STK32B: variants seen among roughly 807,000 people sequenced by gnomAD.
STK32B encodes the protein serine/threonine-protein kinase 32B.
STK32B carries 43 observed loss-of-function variants against 52.6 expected under a neutral mutation model. The observed-to-expected ratio is 0.82, with a 90% CI of 0.64 to 1.05. The LOEUF is 1.05. Ranked by LOEUF, STK32B falls within the 50% of genes least tolerant of loss-of-function variation. The pLI, the probability that STK32B is intolerant of heterozygous loss-of-function variation, is 0.00. For missense variants in STK32B, 621 were observed against 534.6 expected (o/e 1.16, Z -1.59); for synonymous variants, 238 against 204.3 (o/e 1.17, Z -1.41).
rs147944082 is a variant in STK32B at position 5,292,602 on chromosome 4, A to G, written c.261-38618A>G. Among the ~76,000 whole-genome samples, 987 of 151,518 alleles carry G rather than the reference A, an allele frequency of 6.5e-3. 7 individuals are homozygous for G. Among genetic ancestry groups the G allele is most frequent in the Non-Finnish European group, 0.011 (761 of 67,838 alleles). On this transcript the variant is annotated intron_variant, in intron 3 of 11. Coordinates refer to ENST00000282908, the MANE Select transcript of STK32B (RefSeq NM_018401.3). ...CCATTTTGTACATTGTCTGTTTAAT[A>G]TTTTGCTGTGGTAGTTTCTTTTGCT... is the stretch of plus-strand genomic sequence containing the variant.
intron 3 of STK32B, among the ~76,000 whole-genome samples, chr4:5,170,911 T>G (rs985677461): frequency 6.6e-5 from 10 of 152,220 alleles, no homozygotes; most frequent in Non-Finnish European, 1.5e-4. Context: ...GTTGAACTAG[T>G]TTACAGTCCC....
intron 6 of STK32B, among the ~76,000 whole-genome samples, chr4:5,438,516 G>C (rs1397756832): frequency 3.9e-5 from 6 of 152,346 alleles, no homozygotes; most frequent in Admixed American, 3.3e-4. Flanking sequence ...AGGGTTCCCA[G>C]ATTTCTGGTT....
chr4:5,150,946 T>C (rs1016468786), intron 2 of STK32B, among the ~76,000 whole-genome samples: 3 of 152,182 alleles, frequency 2.0e-5, no homozygotes, highest in African/African-American at 7.2e-5. Flanking sequence ...CAAAGAGGCA[T>C]ACCACTTTCC....
At chr4:5,141,447 C>T (rs1334650942) in intron 2 of STK32B, among the ~76,000 whole-genome samples, 4 of 152,106 alleles carry the variant, frequency 2.6e-5, no homozygotes, top group African/African-American at 4.8e-5. Context: ...GTGAAGTCGG[C>T]GAGGCCCAGG....
chr4:5,301,553 G>A (rs1039918153), intron 3 of STK32B, among the ~76,000 whole-genome samples: 1 of 151,070 alleles, frequency 6.6e-6, no homozygotes, highest in African/African-American at 2.4e-5. Context: ...TGTCTAATTT[G>A]TTGGCATAAA....
chr4:5,051,824 C>T lies in STK32B; in HGVS notation c.-40C>T, dbSNP rs922009532. 5 of 1,573,542 alleles carry T rather than the reference C, an allele frequency of 3.2e-6. No individual in the cohort carries two copies. Among genetic ancestry groups the T allele is most frequent in the Non-Finnish European group, 4.3e-6 (5 of 1,160,424 alleles). ...CGTCCCACATCCCGCATCCGGCATC[C>T]CAGCGGCCGGGCATGTAGCAGCGGC... On this transcript the variant is annotated 5_prime_UTR_variant, in exon 1 of 12. Transcript: ENST00000282908.
chr4:5,466,589 A>C (rs1717450896), intron 9 of STK32B, 114 bp from the exon 10 acceptor site: 1 of 1,367,934 alleles, frequency 7.3e-7, no homozygotes, highest in Non-Finnish European at 9.8e-7. Context: ...TGTATCCAAC[A>C]AGAGTAAGTT....
intron 4 of STK32B, among the ~76,000 whole-genome samples, chr4:5,356,538 C>T (rs1338843172): frequency 6.6e-6 from 1 of 152,070 alleles, no homozygotes; most frequent in African/African-American, 2.4e-5. Context: ...TGGGTGGACC[C>T]CTCTTTGAGC....
intron 11 of STK32B, among the ~76,000 whole-genome samples, chr4:5,485,441 G>T (rs767509148): frequency 1.3e-5 from 2 of 152,032 alleles, no homozygotes; most frequent in Non-Finnish European, 2.9e-5. Flanking sequence ...AGCTCTATCA[G>T]GTCCTTTAAG....
chr4:5,023,616 A>G, the STK32B span, among the ~76,000 whole-genome samples: 50 of 151,790 alleles, frequency 3.3e-4, no homozygotes, highest in African/African-American at 1.1e-3. Context: ...CTCTACCTCC[A>G]CTCCTCCCTG....
intron 3 of STK32B, among the ~76,000 whole-genome samples, chr4:5,243,186 G>A (rs1469062954): frequency 2.0e-5 from 3 of 152,038 alleles, no homozygotes; most frequent in Non-Finnish European, 2.9e-5. Flanking sequence ...CCATTTTCAC[G>A]ATATTGATTC....
chr4:5,217,387 G>A (rs565716588), intron 3 of STK32B, among the ~76,000 whole-genome samples: 2 of 152,232 alleles, frequency 1.3e-5, no homozygotes, highest in South Asian at 2.1e-4. Context: ...GGTGAAGGAG[G>A]CGGTGGGGGA....
Position 5,475,397 on chromosome 4 carries a change from C to T in STK32B, c.1106+7327C>T, listed in dbSNP as rs1218122355. Among the ~76,000 whole-genome samples, 3 of 142,722 alleles carry T rather than the reference C, an allele frequency of 2.1e-5. No individual in the cohort carries two copies. The East Asian group carries it at 6.1e-4, about 29-fold the overall frequency. The allele number at this position is 142,722 out of a possible 152,430, so 93.6% of individuals were successfully genotyped here. On this transcript the variant is annotated intron_variant, in intron 11 of 11. Coordinates refer to ENST00000282908, the MANE Select transcript of STK32B (RefSeq NM_018401.3). ...CCGAGATCACACCACTGCACTCCAG[C>T]CTGGGTGACAGTGCAAGACTCCATC... is the stretch of plus-strand genomic sequence containing the variant.
chr4:5,100,521 T>C (rs1713677459), intron 1 of STK32B, among the ~76,000 whole-genome samples: 1 of 115,480 alleles, frequency 8.7e-6, no homozygotes, highest in Non-Finnish European at 1.9e-5. Context: ...CTCTCCTTCT[T>C]CTCTCTTTCC....
chr4:5,229,689 T>G (rs1413937565), intron 3 of STK32B, among the ~76,000 whole-genome samples: 2 of 152,180 alleles, frequency 1.3e-5, no homozygotes, highest in African/African-American at 4.8e-5. Context: ...ATGTATTAAA[T>G]TATAGAATAA....
At chr4:5,401,734 A>C (rs540047492) in intron 5 of STK32B, among the ~76,000 whole-genome samples, 3 of 152,342 alleles carry the variant, frequency 2.0e-5, no homozygotes, top group South Asian at 2.1e-4. Flanking sequence ...ATTTAAAGAC[A>C]TAGAGGGAGG....
At chr4:5,074,393 T>G (rs1370189767) in intron 1 of STK32B, among the ~76,000 whole-genome samples, 3 of 152,082 alleles carry the variant, frequency 2.0e-5, no homozygotes, top group South Asian at 2.1e-4. Flanking sequence ...ATTTTCTATA[T>G]TTCTGCTGAA....
rs1171935452 is a variant in STK32B, at chr4:5,453,560, G to T, written c.667-3247G>T. On this transcript the variant is annotated intron_variant, in intron 7 of 11. Coordinates refer to ENST00000282908, the MANE Select transcript of STK32B (RefSeq NM_018401.3). This position sits in a 1 kb window ranked among gnomAD's most constrained non-coding sequence, Gnocchi z 4.0. Reference sequence around the variant, plus strand: ...TCAGGGTAGGGGTGGGACTGTTTTGGGCAGAACTGTTTATTGAAAAGCAAA... The same window carrying T: ...TCAGGGTAGGGGTGGGACTGTTTTGTGCAGAACTGTTTATTGAAAAGCAAA... Among the ~76,000 whole-genome samples the T allele has an allele frequency of 3.3e-5, 5 of 151,936 alleles. 1 individual carries two copies. Among genetic ancestry groups the T allele is most frequent in the African/African-American group, 1.2e-4 (5 of 41,336 alleles).
At chr4:5,440,649 A>G (rs78121959) in intron 6 of STK32B, among the ~76,000 whole-genome samples, 14,256 of 152,130 alleles carry the variant, frequency 0.094, 1,020 homozygotes, top group East Asian at 0.4. Context: ...ATGTTGAATA[A>G]GAGTGGTGAG....
Sources: gnomAD v4.1 joint callset for allele counts (sites outside exome capture counted in the v4.1 genomes callset) on GRCh38, gnomAD v4.1.1 for gene constraint, Gnocchi (gnomAD v3.1) non-coding constraint, MANE v1.5 for transcripts, NCBI Gene and HGNC (gene_info 2026-07-23, HGNC 2026-07-21) for gene names.